Variants in CAB39L observed in about 807,000 individuals in gnomAD.
The protein encoded by CAB39L is calcium binding protein 39 like.
In CAB39L, 23 loss-of-function variants were observed where a neutral mutation model predicts 39.1. The observed-to-expected ratio is 0.59, with a 90% CI of 0.42 to 0.83. The LOEUF is 0.83. CAB39L is among the 40% of genes least tolerant of loss of function. The probability of loss-of-function intolerance (pLI) is 0.00; values close to 1 mark genes in which losing one functional copy is unlikely to be tolerated. For synonymous variants in CAB39L, 126 were observed against 137.2 expected (o/e 0.92, Z 0.57); for missense variants, 366 against 391.9 (o/e 0.93, Z 0.56).
In CAB39L at chr13:49,310,077, A is replaced by C. The variant is rs976602558; in HGVS notation, c.*737T>G. The C allele has an allele frequency of 2.6e-5, 4 of 152,430 alleles. No homozygotes were observed. The highest frequency in any genetic ancestry group is 9.6e-5 in the African/African-American group (4 of 41,468). 9.4% of individuals were successfully genotyped at this position (152,430 alleles called of 1,614,324 possible). ...CAGCAGTCACTCTATCCAGAGCCAC[A>C]TGTTCACAGTTCTCTAGCAAGCAGG... On this transcript the variant is annotated 3_prime_UTR_variant, in exon 11 of 11. Transcript: ENST00000409308.
At chr13:49,366,941 T>A (rs1187579492) in intron 5 of CAB39L, among the ~76,000 whole-genome samples, 1 of 152,062 alleles carries the variant, frequency 6.6e-6, no homozygotes, top group East Asian at 1.9e-4. Context: ...GCTTGAGCCC[T>A]GGAATGAGCT....
intron 4 of CAB39L, among the ~76,000 whole-genome samples, chr13:49,378,597 GC>G (rs1325490662): frequency 3.4e-4 from 23 of 67,736 alleles, no homozygotes; most frequent in South Asian, 1.2e-3. Flanking sequence ...GGGGGGGTCA[GC>G]CCTCCGCCCG....
rs148621761 is a variant in CAB39L at position 49,338,962 on chromosome 13, G to A, written c.690+715C>T. ...AGGAAAATATGTTACAAATCTGGGA[G>A]ATAAATGCTTCCCATAAAACAGAAG... On this transcript the variant is annotated intron_variant, in intron 9 of 10. Transcript: ENST00000409308. 3.2e-3 allele frequency among the ~76,000 whole-genome samples: 491 copies of A among 152,100 alleles called. 1 individual carries two copies. Among genetic ancestry groups the A allele is most frequent in the African/African-American group, 0.011 (443 of 41,476 alleles).
intron 10 of CAB39L, among the ~76,000 whole-genome samples, chr13:49,311,592 G>T (rs1953990093): frequency 6.6e-6 from 1 of 152,178 alleles, no homozygotes; most frequent in Non-Finnish European, 1.5e-5. Context: ...TTTCCAGGGG[G>T]ACAAGATGTG....
At chr13:49,385,410 C>T (rs1422254112) in intron 3 of CAB39L, among the ~76,000 whole-genome samples, 1 of 152,214 alleles carries the variant, frequency 6.6e-6, no homozygotes, top group African/African-American at 2.4e-5. Flanking sequence ...AAACTGTCTT[C>T]GTATTAACAA....
At chr13:49,400,080 A>T (rs1402512428) in intron 3 of CAB39L, among the ~76,000 whole-genome samples, 2 of 152,096 alleles carry the variant, frequency 1.3e-5, no homozygotes, top group Non-Finnish European at 2.9e-5. Context: ...CTAGGGTACA[A>T]GCCCTTCTAA....
chr13:49,372,846 T>C (rs1955957534), intron 5 of CAB39L, among the ~76,000 whole-genome samples: 1 of 152,154 alleles, frequency 6.6e-6, no homozygotes, highest in African/African-American at 2.4e-5. Context: ...GGCTAATTTT[T>C]ATATTTTTAG....
At chr13:49,437,765 A>C (rs1957440503) in intron 1 of CAB39L, among the ~76,000 whole-genome samples, 1 of 152,128 alleles carries the variant, frequency 6.6e-6, no homozygotes, top group Non-Finnish European at 1.5e-5. Flanking sequence ...AGTTCAGCCA[A>C]CTCAGTTATC....
At chr13:49,336,533 C>T (rs1040070079) in intron 9 of CAB39L, among the ~76,000 whole-genome samples, 1 of 152,196 alleles carries the variant, frequency 6.6e-6, no homozygotes, top group African/African-American at 2.4e-5. Context: ...GAAATACAAA[C>T]AGCTTTCTTC....
At chr13:49,339,954 T>C (rs1389437458) in intron 8 of CAB39L, among the ~76,000 whole-genome samples, 2 of 152,190 alleles carry the variant, frequency 1.3e-5, no homozygotes, top group Non-Finnish European at 2.9e-5. Context: ...AGATAAAAAC[T>C]GAGTAATTTT....
intron 1 of CAB39L, among the ~76,000 whole-genome samples, chr13:49,438,050 T>G (rs1228984642): frequency 6.6e-6 from 1 of 152,108 alleles, no homozygotes; most frequent in East Asian, 1.9e-4. Context: ...CCAGGATGGC[T>G]GGTCTCAAAC....
intron 3 of CAB39L, among the ~76,000 whole-genome samples, chr13:49,410,237 T>C (rs1956963204): frequency 6.6e-6 from 1 of 152,218 alleles, no homozygotes; most frequent in African/African-American, 2.4e-5. Context: ...TCCCTGTCCT[T>C]CTTTGCTGGA....
intron 5 of CAB39L, among the ~76,000 whole-genome samples, chr13:49,371,553 G>A (rs1955919368): frequency 2.0e-5 from 3 of 152,088 alleles, no homozygotes; most frequent in Non-Finnish European, 2.9e-5. Flanking sequence ...ACTACAAAAT[G>A]GCTTAATGAA....
At chr13:49,344,676 C>T (rs1364495730) in intron 7 of CAB39L, among the ~76,000 whole-genome samples, 1 of 152,098 alleles carries the variant, frequency 6.6e-6, no homozygotes, top group Non-Finnish European at 1.5e-5. Flanking sequence ...CGCCCGCCAC[C>T]ACATCCGGCT....
intron 3 of CAB39L, among the ~76,000 whole-genome samples, chr13:49,404,709 T>C (rs1956836793): frequency 6.6e-6 from 1 of 152,164 alleles, no homozygotes; most frequent in Admixed American, 6.5e-5. Context: ...TTCAGAATCT[T>C]ATCAGATAAT....
chr13:49,339,818 T>C (rs957123690), intron 8 of CAB39L, 76 bp from the exon 9 acceptor site: 109 of 1,343,890 alleles, frequency 8.1e-5, no homozygotes, highest in Non-Finnish European at 5.8e-6. Flanking sequence ...TGCTTTCTTT[T>C]TCAGGAGCAA....
intron 5 of CAB39L, among the ~76,000 whole-genome samples, chr13:49,374,631 T>C (rs1956008595): frequency 2.0e-5 from 3 of 152,208 alleles, no homozygotes; most frequent in Admixed American, 2.0e-4. Flanking sequence ...TTTTGTTATC[T>C]GAGCCAATGC....
At chr13:49,368,883 T>C (rs1245991927) in intron 5 of CAB39L, among the ~76,000 whole-genome samples, 2 of 152,068 alleles carry the variant, frequency 1.3e-5, no homozygotes, top group Non-Finnish European at 2.9e-5. Context: ...ACAGATAGCA[T>C]AGATGAGAAA....
chr13:49,364,755 A>G (rs1319052651), intron 5 of CAB39L, among the ~76,000 whole-genome samples: 3 of 152,144 alleles, frequency 2.0e-5, no homozygotes, highest in Non-Finnish European at 2.9e-5. Flanking sequence ...AAAAATCTCC[A>G]TAATGAAAAC....
Sources: allele counts gnomAD v4.1 joint callset (sites outside exome capture counted in the v4.1 genomes callset), GRCh38; gene constraint gnomAD v4.1.1; transcripts MANE v1.5; gene names NCBI Gene and HGNC (gene_info 2026-07-23, HGNC 2026-07-21).